Variants in CLEC2L observed in about 807,000 individuals in gnomAD.
CLEC2L encodes the protein C-type lectin domain family 2, member L.
Under a neutral mutation model 23.6 loss-of-function variants are expected in CLEC2L, and 14 were observed. That is an observed-to-expected ratio of 0.59 (90% CI 0.39 to 0.93). The LOEUF is 0.93. CLEC2L is among the 40% of genes least tolerant of loss of function. The pLI is 0.00. For synonymous variants in CLEC2L, 114 were observed against 121.3 expected (o/e 0.94, Z 0.40); for missense variants, 264 against 282.4 (o/e 0.93, Z 0.47).
At chr7:139,528,926 T>G (rs1797541795) in intron 1 of CLEC2L, among the ~76,000 whole-genome samples, 1 of 152,222 alleles carries the variant, frequency 6.6e-6, no homozygotes, top group South Asian at 2.1e-4. Context: ...TGCAGATACA[T>G]GTACCGATCC....
At chr7:139,532,800 G>C (rs760713087) in intron 1 of CLEC2L, among the ~76,000 whole-genome samples, 2 of 152,304 alleles carry the variant, frequency 1.3e-5, no homozygotes, top group East Asian at 3.9e-4. Flanking sequence ...ACCAGAACCT[G>C]ACCATGCTGG....
intron 1 of CLEC2L, chr7:139,534,173 T>C: frequency 1.4e-6 from 1 of 719,814 alleles, no homozygotes. Flanking sequence ...GGAGTTAGTC[T>C]TTCCTCAGAA....
At chr7:139,524,155 C>T (rs920842561) in intron 1 of CLEC2L, 38 bp downstream of exon 1, 1 of 1,196,688 alleles carries the variant, frequency 8.4e-7, no homozygotes, top group African/African-American at 1.6e-5. Context: ...GGCCCAGGGA[C>T]CCCTGCCCAG....
chr7:139,544,401 C>A lies in CLEC2L; in HGVS notation c.*59C>A. The A allele has an allele frequency of 8.0e-7, 1 of 1,254,470 alleles. No homozygotes were observed. The highest frequency in any genetic ancestry group is 1.1e-6 in the Non-Finnish European group (1 of 875,768). The allele number at this position is 1,254,470 out of a possible 1,614,324, so 77.7% of individuals were successfully genotyped here. The stretch of plus-strand genomic sequence containing the variant: ...GCCTGTGGGAGGTGTCTGGTGTCTG[C>A]TCAAGACCTGCTTCCAGCGGAGCCG... On this transcript the variant is annotated 3_prime_UTR_variant, in exon 5 of 5. Transcript: ENST00000422142.
Position 139,536,324 on chromosome 7 carries a change from A to T in CLEC2L, c.241A>T (p.Ile81Phe). 6.4e-7 allele frequency: 1 copy of T among 1,551,186 alleles called. No homozygotes were observed. The highest frequency in any genetic ancestry group is 8.7e-7 in the Non-Finnish European group (1 of 1,146,778). ...TGCCATCGCGGTCCTTCTGTTCGCC[A>T]TCTTGGTGGTGATGAGCATCTTGGG... ...LGAIAVLLFAILVVMSILASK... is the reference protein window; with the variant it reads ...LGAIAVLLFAFLVVMSILASK... Residue 81 changes from isoleucine (I) to phenylalanine (F), a missense_variant, in exon 2 of 5, where the codon ATC becomes TTC. Physicochemically the swap from Ile to Phe is conservative, Grantham distance 21. Transcript: ENST00000422142.
chr7:139,544,494 C>T lies in CLEC2L; in HGVS notation c.*152C>T, dbSNP rs1797781477. The stretch of plus-strand genomic sequence containing the variant: ...CCCAGGCCCCTCTCCCAGGCCCTGG[C>T]GCTCTGAGTCCCTGGTTCCTGGCCT... On this transcript the variant is annotated 3_prime_UTR_variant, in exon 5 of 5. Transcript: ENST00000422142. 5 of 605,192 alleles carry T rather than the reference C, an allele frequency of 8.3e-6. No homozygotes were observed. Among genetic ancestry groups the T allele is most frequent in the African/African-American group, 3.7e-5 (2 of 54,072 alleles). 37.5% of individuals were successfully genotyped at this position (605,192 alleles called of 1,614,324 possible).
rs551941086 is a variant in CLEC2L, at chr7:139,535,180, G to A, written c.191-1094G>A. ...TAAACACAACGTGGTCTTGCTATAC[G>A]ATGGAACATTATTCAGCCTTAAGAT... On this transcript the variant is annotated intron_variant, in intron 1 of 4. Coordinates refer to ENST00000422142, the MANE Select transcript of CLEC2L (RefSeq NM_001080511.4). Among the ~76,000 whole-genome samples, 24 of 152,328 alleles carry A rather than the reference G, an allele frequency of 1.6e-4. No homozygotes were observed. The South Asian group carries it at 4.6e-3, about 29-fold the overall frequency.
At chr7:139,526,569 T>C (rs562911467) in intron 1 of CLEC2L, among the ~76,000 whole-genome samples, 2 of 152,294 alleles carry the variant, frequency 1.3e-5, no homozygotes, top group South Asian at 4.1e-4. Context: ...CTCTCAGAGG[T>C]TCCAGGACAG....
chr7:139,537,552 G>C (rs1198937885), intron 2 of CLEC2L, among the ~76,000 whole-genome samples: 2 of 152,152 alleles, frequency 1.3e-5, no homozygotes, highest in Non-Finnish European at 2.9e-5. Context: ...TGATTCCTTG[G>C]CATGTTTGAT....
At chr7:139,537,039 G>C (rs1797669882) in intron 2 of CLEC2L, among the ~76,000 whole-genome samples, 2 of 148,516 alleles carry the variant, frequency 1.3e-5, no homozygotes, top group Admixed American at 6.7e-5. Context: ...GCTGCTGTGT[G>C]TTAAGCTCTG....
intron 1 of CLEC2L, among the ~76,000 whole-genome samples, chr7:139,535,664 AC>A (rs1797642588): frequency 6.6e-6 from 1 of 152,210 alleles, no homozygotes; most frequent in Admixed American, 6.5e-5. Context: ...CAAAGAGAGA[AC>A]CCAGAGGATC....
chr7:139,537,226 A>AG (rs896585009), intron 2 of CLEC2L, among the ~76,000 whole-genome samples: 1 of 152,176 alleles, frequency 6.6e-6, no homozygotes, highest in African/African-American at 2.4e-5. Flanking sequence ...AGAGAGTGCT[A>AG]GGGAGGAAAA....
At chr7:139,535,604 A>G (rs1317250588) in intron 1 of CLEC2L, among the ~76,000 whole-genome samples, 1 of 152,244 alleles carries the variant, frequency 6.6e-6, no homozygotes, top group Non-Finnish European at 1.5e-5. Flanking sequence ...CGTTAAATAT[A>G]AAATGAGAAT....
intron 1 of CLEC2L, among the ~76,000 whole-genome samples, chr7:139,525,010 G>A (rs1330038638): frequency 6.6e-6 from 1 of 152,184 alleles, no homozygotes; most frequent in African/African-American, 2.4e-5. Context: ...CAGACCCAGA[G>A]CATGACGTAT....
In CLEC2L at chr7:139,544,415, C is replaced by G. The variant is rs1469802354; in HGVS notation, c.*73C>G. 15 of 1,122,770 alleles carry G rather than the reference C, an allele frequency of 1.3e-5. No homozygotes were observed. Among genetic ancestry groups the G allele is most frequent in the Non-Finnish European group, 1.6e-5 (12 of 764,672 alleles). The allele number at this position is 1,122,770 out of a possible 1,614,324, so 69.6% of individuals were successfully genotyped here. On this transcript the variant is annotated 3_prime_UTR_variant, in exon 5 of 5. Transcript: ENST00000422142. Reference sequence around the variant, plus strand: ...TCTGGTGTCTGCTCAAGACCTGCTTCCAGCGGAGCCGCCTGCCCTCTGCAA... The same window carrying G: ...TCTGGTGTCTGCTCAAGACCTGCTTGCAGCGGAGCCGCCTGCCCTCTGCAA...
chr7:139,536,143 C>A, intron 1 of CLEC2L, 131 bp from the exon 2 acceptor site: 2 of 627,126 alleles, frequency 3.2e-6, no homozygotes, highest in Non-Finnish European at 5.3e-6. Context: ...CATCTCAAAA[C>A]AACAACAACA....
chr7:139,533,215 A>G (rs1300505223), intron 1 of CLEC2L, among the ~76,000 whole-genome samples: 1 of 152,214 alleles, frequency 6.6e-6, no homozygotes, highest in Non-Finnish European at 1.5e-5. Context: ...ATAATGGAAA[A>G]TGAATAAATT....
rs140105318 is a variant in CLEC2L at position 139,540,229 on chromosome 7, G to A, written c.266-92G>A. ...CACATCTGCAGTGTCCCTGCAGGAC[G>A]CCAAAGCTGAGGCAGGGGAGGGAGC... On this transcript the variant is annotated intron_variant, in intron 2 of 4. Coordinates refer to ENST00000422142, the MANE Select transcript of CLEC2L (RefSeq NM_001080511.4). This position sits in a 1 kb window ranked among gnomAD's most constrained non-coding sequence, Gnocchi z 5.8. 1.7e-4 allele frequency: 224 copies of A among 1,311,366 alleles called. 1 individual carries two copies. The African/African-American group carries it at 2.9e-3, about 17-fold the overall frequency. 81.2% of individuals were successfully genotyped at this position (1,311,366 alleles called of 1,614,324 possible).
At chr7:139,534,080 C>G (rs1303546676) in intron 1 of CLEC2L, among the ~76,000 whole-genome samples, 1 of 152,098 alleles carries the variant, frequency 6.6e-6, no homozygotes, top group Non-Finnish European at 1.5e-5. Flanking sequence ...CAATGCAAAC[C>G]AACAAGTATT....
Sources: gnomAD v4.1 joint callset for allele counts (sites outside exome capture counted in the v4.1 genomes callset) on GRCh38, gnomAD v4.1.1 for gene constraint, Gnocchi (gnomAD v3.1) non-coding constraint, MANE v1.5 for transcripts, NCBI Gene and HGNC (gene_info 2026-07-23, HGNC 2026-07-21) for gene names.